The following L3MBTL4 variants were observed in gnomAD, a reference collection of about 807,000 sequenced individuals.
The protein encoded by L3MBTL4 is L3MBTL histone methyl-lysine binding protein 4.
In L3MBTL4, 70 loss-of-function variants were observed where a neutral mutation model predicts 84.5. That is an observed-to-expected ratio of 0.83 (90% confidence interval 0.68 to 1.01). The LOEUF is 1.01. L3MBTL4 is among the 50% of genes least tolerant of loss of function. The probability of loss-of-function intolerance (pLI) is 0.00; values close to 1 mark genes in which losing one functional copy is unlikely to be tolerated. For synonymous variants in L3MBTL4, 274 were observed against 259.8 expected (o/e 1.05, Z -0.52); for missense variants, 715 against 754.8 (o/e 0.95, Z 0.62).
At chr18:6,137,411 G>A (rs2060056804) in intron 14 of L3MBTL4, among the ~76,000 whole-genome samples, 1 of 152,170 alleles carries the variant, frequency 6.6e-6, no homozygotes, top group Non-Finnish European at 1.5e-5. Flanking sequence ...AGGATTGCCT[G>A]ATAAAGCATG....
At chr18:6,313,676 C>T (rs1234636906) in intron 1 of L3MBTL4, among the ~76,000 whole-genome samples, 1 of 152,188 alleles carries the variant, frequency 6.6e-6, no homozygotes, top group Non-Finnish European at 1.5e-5. Flanking sequence ...AAATAATACC[C>T]CATGACTTGT....
At chr18:6,174,078 A>G (rs1356367854) in intron 12 of L3MBTL4, among the ~76,000 whole-genome samples, 9 of 152,140 alleles carry the variant, frequency 5.9e-5, no homozygotes, top group African/African-American at 2.2e-4. Flanking sequence ...AAAAAGGGGT[A>G]AAATCAAGCC....
At chr18:6,229,259 A>G (rs1247745115) in intron 10 of L3MBTL4, among the ~76,000 whole-genome samples, 1 of 152,214 alleles carries the variant, frequency 6.6e-6, no homozygotes, top group Non-Finnish European at 1.5e-5. Flanking sequence ...TTTTTTATCT[A>G]TAAGACTTGT....
At chr18:6,256,542 C>T (rs1474582600) in intron 5 of L3MBTL4, among the ~76,000 whole-genome samples, 1 of 150,984 alleles carries the variant, frequency 6.6e-6, no homozygotes, top group Non-Finnish European at 1.5e-5. Context: ...TTTCTGAAAT[C>T]ATACTAGATT....
Position 6,244,521 on chromosome 18 carries a change from C to T in L3MBTL4, c.287G>A (p.Arg96Gln), listed in dbSNP as rs372275767. Residue 96 changes from arginine (R) to glutamine (Q), a missense_variant, in exon 6 of 19, where the codon CGA (arginine) becomes CAA (glutamine). Coordinates refer to ENST00000317931, the MANE Select transcript of L3MBTL4 (RefSeq NM_001330559.2). The stretch of plus-strand genomic sequence containing the variant: ...AAGCACACAGAATACCGATGGATGT[C>T]GGGGATCAATGCCTTCTAATCTCAT... Reference protein sequence around the residue: ...IGMRLEGIDPRHPSVFCVLSV... With the variant: ...IGMRLEGIDPQHPSVFCVLSV... 2.6e-5 allele frequency: 42 copies of T among 1,613,614 alleles called. No homozygotes were observed. In the African/African-American group the frequency reaches 3.3e-4, roughly 13 times the overall value.
intron 12 of L3MBTL4, among the ~76,000 whole-genome samples, chr18:6,209,647 T>C (rs1446776734): frequency 6.6e-6 from 1 of 152,148 alleles, no homozygotes; most frequent in Admixed American, 6.5e-5. Flanking sequence ...CTCGTAGTTA[T>C]ATATCCAAAA....
At chr18:6,341,482 C>T (rs565200936) in intron 1 of L3MBTL4, among the ~76,000 whole-genome samples, 10 of 151,910 alleles carry the variant, frequency 6.6e-5, no homozygotes, top group Non-Finnish European at 1.3e-4. Context: ...GAATACAACA[C>T]CTGAACTCAA....
chr18:6,333,090 C>T (rs530422134), intron 1 of L3MBTL4, among the ~76,000 whole-genome samples: 31 of 151,012 alleles, frequency 2.1e-4, no homozygotes, highest in African/African-American at 7.1e-4. Context: ...CAATTTAAAA[C>T]AAAATTCTTT....
intron 16 of L3MBTL4, among the ~76,000 whole-genome samples, chr18:6,050,185 T>A (rs2056790048): frequency 6.6e-6 from 1 of 152,078 alleles, no homozygotes; most frequent in Non-Finnish European, 1.5e-5. Flanking sequence ...CATGGGAGGG[T>A]ACTGGGTCAA....
At chr18:6,368,658 T>G (rs906933946) in intron 1 of L3MBTL4, among the ~76,000 whole-genome samples, 4 of 152,166 alleles carry the variant, frequency 2.6e-5, no homozygotes, top group Non-Finnish European at 5.9e-5. Context: ...CCCTTGACTT[T>G]AGGAGCCTAC....
chr18:6,116,151 G>T (rs185980409), intron 14 of L3MBTL4, among the ~76,000 whole-genome samples: 49 of 152,240 alleles, frequency 3.2e-4, no homozygotes, highest in Admixed American at 3.2e-3. Context: ...CAATAGTGCC[G>T]CAGAAGAGCA....
At chr18:6,171,250 T>A (rs935811352) in intron 13 of L3MBTL4, among the ~76,000 whole-genome samples, 1 of 152,192 alleles carries the variant, frequency 6.6e-6, no homozygotes, top group South Asian at 2.1e-4. Flanking sequence ...GTCAGCCTAA[T>A]CAGATCAGAG....
At position 6,299,887 on chromosome 18, in the gene L3MBTL4, G is replaced by C. The variant is rs1170896700; in HGVS notation, c.127+2016C>G. Among the ~76,000 whole-genome samples, 5 of 152,016 alleles carry C rather than the reference G, an allele frequency of 3.3e-5. No homozygotes were observed. The East Asian group carries it at 9.7e-4, about 29-fold the overall frequency. ...GGGTTTCACCATGTTGCCAGGGCTG[G>C]TCTTGAACTCCCAAGCTCAAGAGAT... is the stretch of plus-strand genomic sequence containing the variant. On this transcript the variant is annotated intron_variant, in intron 4 of 18. Transcript: ENST00000317931.
chr18:6,238,327 A>T (rs2047303693), intron 9 of L3MBTL4, among the ~76,000 whole-genome samples: 1 of 152,138 alleles, frequency 6.6e-6, no homozygotes, highest in Non-Finnish European at 1.5e-5. Flanking sequence ...AGGTCAGGAG[A>T]TCGAGACCAT....
Position 6,031,047 on chromosome 18 carries a change from G to A in L3MBTL4, c.1444+49834C>T, listed in dbSNP as rs938745730. The stretch of plus-strand genomic sequence containing the variant: ...TTTATAGTTGCTCTCTGGCTGGACT[G>A]CTCCATAAAACACTTAATACATCCA... On this transcript the variant is annotated intron_variant, in intron 16 of 18. Transcript: ENST00000317931. The A allele has an allele frequency of 1.3e-5, 13 of 985,258 alleles. No individual in the cohort carries two copies. In the South Asian group the frequency reaches 3.8e-4, roughly 28 times the overall value. 61.0% of individuals were successfully genotyped at this position (985,258 alleles called of 1,614,324 possible).
intron 12 of L3MBTL4, 120 bp from the exon 13 acceptor site, chr18:6,172,062 C>A: frequency 5.6e-6 from 3 of 536,736 alleles, no homozygotes; most frequent in Non-Finnish European, 1.0e-5. Flanking sequence ...TCACACCTTG[C>A]AGTTGAAATA....
At chr18:6,170,679 C>T (rs1006735720) in intron 13 of L3MBTL4, among the ~76,000 whole-genome samples, 13 of 151,898 alleles carry the variant, frequency 8.6e-5, no homozygotes, top group East Asian at 1.9e-4. Context: ...CCTACCCCAG[C>T]GGAAATCGTT....
At chr18:6,050,833 G>A (rs997055069) in intron 16 of L3MBTL4, among the ~76,000 whole-genome samples, 3 of 152,194 alleles carry the variant, frequency 2.0e-5, no homozygotes, top group African/African-American at 7.2e-5. Flanking sequence ...AGAATAAGAA[G>A]CAAATTTTGT....
chr18:6,007,458 T>C (rs999744738), intron 16 of L3MBTL4, among the ~76,000 whole-genome samples: 3 of 152,212 alleles, frequency 2.0e-5, no homozygotes, highest in Non-Finnish European at 4.4e-5. Context: ...AAATGTTTGA[T>C]AACATGTTTT....
Sources: gnomAD v4.1 joint callset for allele counts (sites outside exome capture counted in the v4.1 genomes callset) on GRCh38, gnomAD v4.1.1 for gene constraint, MANE v1.5 for transcripts, NCBI Gene and HGNC (gene_info 2026-07-23, HGNC 2026-07-21) for gene names.